AFF2: variants seen among roughly 807,000 people sequenced by gnomAD.
AFF2 encodes AF4/FMR2 family member 2.
Under a neutral mutation model 76.9 loss-of-function variants are expected in AFF2, and 14 were observed. The ratio of observed to expected loss-of-function variants is 0.18; its 90% CI spans 0.12 to 0.28. The LOEUF (loss-of-function observed/expected upper bound fraction) is 0.28, where lower values mean the gene tolerates loss of function less well. Ranked by LOEUF, AFF2 falls within the 10% of genes least tolerant of loss-of-function variation. AFF2 has a pLI of 1.00. For missense variants in AFF2, 868 were observed against 1,001.1 expected (o/e 0.87, Z 1.79); for synonymous variants, 398 against 366.7 (o/e 1.09, Z -0.98).
intron 7 of AFF2, among the ~76,000 whole-genome samples, chrX:148,845,356 T>TA (rs1280930899): frequency 1.8e-5 from 2 of 112,252 alleles, no homozygotes; most frequent in African/African-American, 6.5e-5. Flanking sequence ...GGTTTATAGT[T>TA]AGAGGCTGCA....
intron 9 of AFF2, among the ~76,000 whole-genome samples, chrX:148,907,736 A>G (rs190775224): frequency 0.013 from 1,398 of 111,673 alleles, 25 homozygotes; most frequent in African/African-American, 0.043. Flanking sequence ...AAAATTGCTA[A>G]TGAAGTTTCG....
Position 148,501,004 on chromosome X carries a change from G to T in AFF2, c.-94G>T. 9.4e-7 allele frequency: 1 copy of T among 1,061,796 alleles called. No individual in the cohort carries two copies. Among genetic ancestry groups the T allele is most frequent in the East Asian group, 3.2e-5 (1 of 31,170 alleles). The allele number at this position is 1,061,796 out of a possible 1,213,427, so 87.5% of individuals were successfully genotyped here. A position where few individuals can be genotyped will look rare whatever the true frequency, so the allele number is the denominator to read the frequency against. On this transcript the variant is annotated 5_prime_UTR_variant, in exon 1 of 21. Transcript: ENST00000370460. The stretch of plus-strand genomic sequence containing the variant: ...TGGGCGGGAGGGCTGGAGAGCCGGG[G>T]GCCGCCGAGAACCGCCAGCGAGCTG...
At position 148,962,888 on chromosome X, in the gene AFF2, A is replaced by G. The variant is rs1557288269; in HGVS notation, c.2864A>G (p.Lys955Arg). 1 of 1,208,415 alleles carries G rather than the reference A, an allele frequency of 8.3e-7. No homozygotes were observed. The highest frequency in any genetic ancestry group is 1.8e-5 in the South Asian group (1 of 56,900). The change falls in exon 13 of 21, where the codon AAG becomes AGG. Residue 955 changes from lysine (K) to arginine (R), a missense_variant. Coordinates refer to ENST00000370460, the MANE Select transcript of AFF2 (RefSeq NM_002025.4). ...MTGQITSTKP[K>R]RTEGKFCATF... ...GGACAAATCACATCTACCAAACCTA[A>G]GAGAACTGAAGGCAAATTCTGTGCT...
At chrX:148,918,913 A>C (rs2071561520) in intron 9 of AFF2, among the ~76,000 whole-genome samples, 1 of 111,963 alleles carries the variant, frequency 8.9e-6, no homozygotes, top group Non-Finnish European at 1.9e-5. Flanking sequence ...CAAAACCTAC[A>C]ATAAGAAGGA....
At chrX:148,710,330 T>G (rs1232969845) in intron 3 of AFF2, among the ~76,000 whole-genome samples, 3 of 111,889 alleles carry the variant, frequency 2.7e-5, no homozygotes, top group Non-Finnish European at 5.6e-5. Context: ...CCTCTCTGCC[T>G]CCCTACATAG....
chrX:148,886,066 C>A (rs150635614), intron 8 of AFF2, 81 bp downstream of exon 8: 3 of 725,957 alleles, frequency 4.1e-6, no homozygotes, highest in Non-Finnish European at 6.5e-6. Flanking sequence ...CTTTGACATG[C>A]GCAAACTTCC....
chrX:148,568,719 A>G (rs2053197084), intron 1 of AFF2, among the ~76,000 whole-genome samples: 1 of 111,985 alleles, frequency 8.9e-6, no homozygotes, highest in African/African-American at 3.2e-5. Flanking sequence ...GCGAATTTAG[A>G]TAGTATTTCT....
intron 3 of AFF2, among the ~76,000 whole-genome samples, chrX:148,705,704 A>C (rs1242619224): frequency 2.7e-5 from 3 of 112,234 alleles, no homozygotes; most frequent in Non-Finnish European, 3.8e-5. Context: ...CCATCAACTG[A>C]TGAAAACTTC....
chrX:148,745,667 G>A (rs782816976), intron 3 of AFF2, among the ~76,000 whole-genome samples: 35 of 111,646 alleles, frequency 3.1e-4, no homozygotes, highest in Non-Finnish European at 6.4e-4. Flanking sequence ...GAAGCCTGCA[G>A]TGCCTATTAC....
At chrX:148,644,419 A>G (rs1010856436) in intron 1 of AFF2, among the ~76,000 whole-genome samples, 6 of 111,642 alleles carry the variant, frequency 5.4e-5, no homozygotes, top group Non-Finnish European at 1.1e-4. Flanking sequence ...TGTCTCATGT[A>G]TCTCAGTTTC....
intron 1 of AFF2, among the ~76,000 whole-genome samples, chrX:148,558,818 G>A (rs2053079792): frequency 1.8e-5 from 2 of 111,727 alleles, no homozygotes; most frequent in South Asian, 3.8e-4. Flanking sequence ...AGCAATGGAT[G>A]CCATTCAATT....
chrX:148,954,658 T>C (rs1557286998), intron 10 of AFF2, among the ~76,000 whole-genome samples: 1 of 111,900 alleles, frequency 8.9e-6, no homozygotes, highest in Non-Finnish European at 1.9e-5. Context: ...ACCTCACAGA[T>C]AGACAGTAGT....
chrX:148,561,433 A>G (rs2053111998), intron 1 of AFF2, among the ~76,000 whole-genome samples: 1 of 112,290 alleles, frequency 8.9e-6, no homozygotes, highest in Non-Finnish European at 1.9e-5. Context: ...TTCATTACAT[A>G]GAAAACTCAA....
intron 8 of AFF2, among the ~76,000 whole-genome samples, chrX:148,900,195 A>G (rs2071339205): frequency 9.0e-6 from 1 of 111,026 alleles, no homozygotes; most frequent in African/African-American, 3.3e-5. Flanking sequence ...ATGTGATACC[A>G]TGTATGCCAC....
At chrX:148,618,045 T>C (rs1267759232) in intron 1 of AFF2, among the ~76,000 whole-genome samples, 1 of 111,772 alleles carries the variant, frequency 8.9e-6, no homozygotes, top group African/African-American at 3.2e-5. Flanking sequence ...TATATTTATG[T>C]GTGTATATAT....
At chrX:148,781,500 C>G (rs782531587) in intron 3 of AFF2, among the ~76,000 whole-genome samples, 2 of 112,306 alleles carry the variant, frequency 1.8e-5, no homozygotes, top group East Asian at 5.6e-4. Flanking sequence ...CCAGTCCAAA[C>G]TTTGTGGTGG....
At chrX:148,592,543 A>AT (rs782768195) in intron 1 of AFF2, among the ~76,000 whole-genome samples, 2 of 111,396 alleles carry the variant, frequency 1.8e-5, no homozygotes, top group African/African-American at 6.5e-5. Flanking sequence ...TAAGATAAAT[A>AT]TTTTTTATGG....
chrX:148,918,458 G>T (rs1307649522), intron 9 of AFF2, among the ~76,000 whole-genome samples: 1 of 112,062 alleles, frequency 8.9e-6, no homozygotes, highest in Non-Finnish European at 1.9e-5. Context: ...GTACTGAGTA[G>T]TGAAGATCTC....
intron 10 of AFF2, 21 bp downstream of exon 10, chrX:148,953,760 C>T: frequency 8.4e-7 from 1 of 1,185,047 alleles, no homozygotes; most frequent in Non-Finnish European, 1.1e-6. Context: ...GTGCCAGGGC[C>T]CTAACCATGA....
Sources: gnomAD v4.1 joint callset for allele counts (sites outside exome capture counted in the v4.1 genomes callset) on GRCh38, gnomAD v4.1.1 for gene constraint, MANE v1.5 for transcripts, NCBI Gene and HGNC (gene_info 2026-07-23, HGNC 2026-07-21) for gene names.